The following MYO10 variants were observed in gnomAD, a reference collection of about 807,000 sequenced individuals.
MYO10 encodes the protein myosin X.
In MYO10, 133 loss-of-function variants were observed where a neutral mutation model predicts 257.3. The ratio of observed to expected loss-of-function variants is 0.52; its 90% CI spans 0.45 to 0.60. MYO10 has a LOEUF of 0.60. Among genes scored for constraint, MYO10 ranks in the 20% least tolerant of loss-of-function variants. The pLI is 0.00. For synonymous variants in MYO10, 1,104 were observed against 1,028.6 expected (o/e 1.07, Z -1.40); for missense variants, 2,399 against 2,635.7 (o/e 0.91, Z 1.97).
intron 13 of MYO10, 22 bp downstream of exon 13, chr5:16,763,633 A>G (rs1027415926): frequency 1.9e-6 from 3 of 1,587,942 alleles, no homozygotes; most frequent in African/African-American, 1.3e-5. Context: ...AAAAATTGAA[A>G]TGGAATTCTA....
At chr5:16,916,353 G>A (rs1300888621) in intron 1 of MYO10, 1 of 221,218 alleles carries the variant, frequency 4.5e-6, no homozygotes, top group African/African-American at 2.5e-5. Context: ...TGACACTAAA[G>A]CTCCTCTAGA....
intron 1 of MYO10, among the ~76,000 whole-genome samples, chr5:16,891,507 T>TG (rs1432650307): frequency 1.3e-5 from 2 of 151,934 alleles, no homozygotes; most frequent in Non-Finnish European, 2.9e-5. Context: ...CGGAGTTTTG[T>TG]GGGGGGTTTT....
At chr5:16,742,493 A>C (rs1740050436) in intron 19 of MYO10, among the ~76,000 whole-genome samples, 1 of 152,196 alleles carries the variant, frequency 6.6e-6, no homozygotes, top group Non-Finnish European at 1.5e-5. Context: ...GGTGCAGGAG[A>C]CAGTCAAAAC....
rs370248024 is a variant in MYO10 at position 16,664,379 on chromosome 5, A to C, written c.*2313T>G. 2 of 152,220 alleles carry C rather than the reference A, an allele frequency of 1.3e-5. No individual in the cohort carries two copies. The highest frequency in any genetic ancestry group is 2.9e-5 in the Non-Finnish European group (2 of 68,044). 9.4% of individuals were successfully genotyped at this position (152,220 alleles called of 1,614,324 possible). A position where few individuals can be genotyped will look rare whatever the true frequency, so the allele number is the denominator to read the frequency against. ...TCCTGAGAGGTGAGCAGTAGAAAGA[A>C]GACTTCTGTCAAATTCTTTCTGAGC... is the stretch of plus-strand genomic sequence containing the variant. On this transcript the variant is annotated 3_prime_UTR_variant, in exon 41 of 41. Coordinates refer to ENST00000513610, the MANE Select transcript of MYO10 (RefSeq NM_012334.3).
intron 40 of MYO10, 57 bp downstream of exon 40, chr5:16,668,220 T>C (rs1319451744): frequency 6.6e-7 from 1 of 1,511,662 alleles, no homozygotes. Flanking sequence ...AATGGGGTCC[T>C]GTTTTTCTGT....
chr5:16,868,266 C>G (rs1744342591), intron 2 of MYO10, among the ~76,000 whole-genome samples: 3 of 152,178 alleles, frequency 2.0e-5, no homozygotes, highest in South Asian at 4.1e-4. Flanking sequence ...TCCTTCTTAC[C>G]CTTTTACATG....
intron 2 of MYO10, among the ~76,000 whole-genome samples, chr5:16,847,877 A>G (rs959030319): frequency 6.6e-6 from 1 of 152,232 alleles, no homozygotes; most frequent in East Asian, 1.9e-4. Context: ...AGTCTGGGCA[A>G]CATAGCAAGA....
chr5:16,912,988 CAA>C (rs5866219), intron 1 of MYO10, among the ~76,000 whole-genome samples: 389 of 138,534 alleles, frequency 2.8e-3, no homozygotes, highest in Middle Eastern at 7.4e-3. Flanking sequence ...TGTTTATTCC[CAA>C]AAAAAAAAAA....
intron 2 of MYO10, among the ~76,000 whole-genome samples, chr5:16,829,319 G>A (rs10068945): frequency 0.12 from 18,481 of 152,172 alleles, 2,616 homozygotes; most frequent in African/African-American, 0.34. Flanking sequence ...TTCTCTACCT[G>A]CTCATCATCA....
intron 2 of MYO10, among the ~76,000 whole-genome samples, chr5:16,830,934 G>T (rs2126717949): frequency 6.6e-6 from 1 of 152,286 alleles, no homozygotes; most frequent in Middle Eastern, 3.4e-3. Flanking sequence ...GGGTAATGAG[G>T]ATGGCTGTGA....
chr5:16,845,610 C>A (rs189802581), intron 2 of MYO10, among the ~76,000 whole-genome samples: 2 of 152,116 alleles, frequency 1.3e-5, no homozygotes, highest in Admixed American at 1.3e-4. Flanking sequence ...CATGGCACCA[C>A]TGTACTCCAG....
At chr5:16,741,821 C>T (rs1740027780) in intron 19 of MYO10, 1 of 985,226 alleles carries the variant, frequency 1.0e-6, no homozygotes, top group Admixed American at 6.2e-5. Flanking sequence ...TTTCTTTCAC[C>T]CCTTCAGTTT....
intron 19 of MYO10, among the ~76,000 whole-genome samples, chr5:16,744,771 G>C (rs1448818329): frequency 6.6e-6 from 1 of 151,684 alleles, no homozygotes; most frequent in African/African-American, 2.4e-5. Context: ...GCAGTAAAAA[G>C]GTAAGCAAAG....
intron 3 of MYO10, chr5:16,815,440 T>C (rs1379661849): frequency 1.4e-6 from 1 of 701,232 alleles, no homozygotes; most frequent in African/African-American, 1.7e-5. Context: ...GTTTTTGGAT[T>C]AGGTATATTC....
intron 34 of MYO10, 50 bp downstream of exon 34, chr5:16,675,981 G>A (rs759009851): frequency 6.4e-7 from 1 of 1,560,342 alleles, no homozygotes; most frequent in South Asian, 1.2e-5. Flanking sequence ...AGTTAGCAGG[G>A]CAAGTGGAAT....
chr5:16,929,553 T>G (rs76276009), intron 1 of MYO10, among the ~76,000 whole-genome samples: 1,902 of 152,306 alleles, frequency 0.012, 37 homozygotes, highest in African/African-American at 0.044. Flanking sequence ...CTGAGTCAGT[T>G]ACTTAACCTC....
intron 24 of MYO10, 100 bp downstream of exon 24, chr5:16,702,443 A>T (rs756596013): frequency 1.8e-6 from 2 of 1,121,706 alleles, no homozygotes; most frequent in Non-Finnish European, 2.6e-6. Context: ...TCTTCCTGTT[A>T]TCTTTCTACT....
At chr5:16,878,514 A>G (rs1744666580) in intron 1 of MYO10, among the ~76,000 whole-genome samples, 1 of 152,228 alleles carries the variant, frequency 6.6e-6, no homozygotes, top group Non-Finnish European at 1.5e-5. Context: ...GAAATATCAT[A>G]TTGAGCTTTT....
intron 2 of MYO10, among the ~76,000 whole-genome samples, chr5:16,823,448 CG>C (rs1236276075): frequency 2.0e-4 from 1 of 4,976 alleles, no homozygotes; most frequent in Non-Finnish European, 3.8e-4. Flanking sequence ...CCATCTTGCG[CG>C]GGGGGGGGGG....
Sources: gnomAD v4.1 joint callset for allele counts (sites outside exome capture counted in the v4.1 genomes callset) on GRCh38, gnomAD v4.1.1 for gene constraint, MANE v1.5 for transcripts, NCBI Gene and HGNC (gene_info 2026-07-23, HGNC 2026-07-21) for gene names.